Variants in GRIN2B observed in about 807,000 individuals in gnomAD.
GRIN2B encodes glutamate receptor ionotropic, NMDA 2B.
Under a neutral mutation model 114.5 loss-of-function variants are expected in GRIN2B, and 5 were observed. The observed-to-expected ratio is 0.04, with a 90% CI of 0.02 to 0.09. The LOEUF is 0.09. GRIN2B is among the 10% of genes least tolerant of loss of function. The pLI is 1.00. For missense variants in GRIN2B, 1,108 were observed against 1,943.5 expected, an observed-to-expected ratio of 0.57 and a Z score of 8.08; for synonymous variants, 787 against 745.1, an observed-to-expected ratio of 1.06 and a Z score of -0.92.
rs1948619123 is a variant in GRIN2B, at chr12:13,564,956, G to A, written c.2599-317C>T. Among the ~76,000 whole-genome samples the A allele has an allele frequency of 6.6e-6, 1 of 152,150 alleles. No individual in the cohort carries two copies. ...CTCAGCTTCACTGTTGACTTACCGT[G>A]GTTTTCTATGCCTAGATTTTCACAT... On this transcript the variant is annotated intron_variant, in intron 13 of 13. Coordinates refer to ENST00000609686, the MANE Select transcript of GRIN2B (RefSeq NM_000834.5). The surrounding 1 kb of genome is among the most constrained non-coding windows in gnomAD (Gnocchi z 4.8).
intron 2 of GRIN2B, among the ~76,000 whole-genome samples, chr12:13,930,349 T>C (rs1173952393): frequency 2.6e-5 from 4 of 152,172 alleles, no homozygotes; most frequent in African/African-American, 9.7e-5. Flanking sequence ...AAGTTTCCTA[T>C]GAGATCTTTG....
chr12:13,918,260 G>T (rs1187732011), intron 2 of GRIN2B, among the ~76,000 whole-genome samples: 8 of 152,204 alleles, frequency 5.3e-5, no homozygotes, highest in Admixed American at 5.2e-4. Context: ...GTGAAAGTTA[G>T]CCAGACTTGT....
intron 2 of GRIN2B, among the ~76,000 whole-genome samples, chr12:13,876,075 G>C (rs920937141): frequency 6.6e-6 from 1 of 152,226 alleles, no homozygotes; most frequent in African/African-American, 2.4e-5. Flanking sequence ...GGAAATAGTA[G>C]TGAAAACGGC....
intron 3 of GRIN2B, among the ~76,000 whole-genome samples, chr12:13,850,288 A>C (rs1416543341): frequency 6.6e-6 from 1 of 152,130 alleles, no homozygotes; most frequent in East Asian, 1.9e-4. Flanking sequence ...ACTGATGTGC[A>C]CTCAATTTTA....
intron 4 of GRIN2B, among the ~76,000 whole-genome samples, chr12:13,691,727 A>G (rs1398926186): frequency 6.6e-6 from 1 of 152,182 alleles, no homozygotes; most frequent in Non-Finnish European, 1.5e-5. Context: ...AGCACACACT[A>G]GAGAGAAATG....
At chr12:13,813,780 A>G in intron 3 of GRIN2B, among the ~76,000 whole-genome samples, 1 of 152,238 alleles carries the variant, frequency 6.6e-6, no homozygotes, top group East Asian at 1.9e-4. Context: ...TTTTGAATTG[A>G]GTCCATACAT....
At chr12:13,790,172 C>T (rs779128677) in intron 3 of GRIN2B, among the ~76,000 whole-genome samples, 7 of 152,192 alleles carry the variant, frequency 4.6e-5, no homozygotes, top group East Asian at 1.9e-4. Context: ...CCATCACAGA[C>T]GCAGCCCCTC....
At chr12:13,729,335 A>C (rs941045992) in intron 4 of GRIN2B, among the ~76,000 whole-genome samples, 9 of 152,148 alleles carry the variant, frequency 5.9e-5, no homozygotes, top group African/African-American at 2.2e-4. Context: ...TGTTTGGGTC[A>C]TCTTTAGTCA....
chr12:13,910,843 C>A (rs1866616743), intron 2 of GRIN2B, among the ~76,000 whole-genome samples: 1 of 152,104 alleles, frequency 6.6e-6, no homozygotes, highest in Non-Finnish European at 1.5e-5. Flanking sequence ...CTCAGGAACC[C>A]ATTTATACCA....
intron 10 of GRIN2B, among the ~76,000 whole-genome samples, chr12:13,602,334 T>C (rs1949171850): frequency 6.6e-6 from 1 of 152,158 alleles, no homozygotes; most frequent in Non-Finnish European, 1.5e-5. Flanking sequence ...CATTACTAGC[T>C]CCCTGGCTAG....
At chr12:13,851,243 G>T (rs1120905) in intron 3 of GRIN2B, among the ~76,000 whole-genome samples, 98,253 of 152,052 alleles carry the variant, frequency 0.65, 32,018 homozygotes, top group African/African-American at 0.7. Flanking sequence ...GTGGATTTCA[G>T]CGTCTCTAAT....
At chr12:13,735,519 T>C (rs1288111593) in intron 4 of GRIN2B, among the ~76,000 whole-genome samples, 1 of 152,210 alleles carries the variant, frequency 6.6e-6, no homozygotes, top group Non-Finnish European at 1.5e-5. Context: ...ATTAAATTCA[T>C]AAAAGCAGGG....
chr12:13,955,347 AATG>A (rs1302389056), intron 2 of GRIN2B, among the ~76,000 whole-genome samples: 3 of 152,174 alleles, frequency 2.0e-5, no homozygotes, highest in Non-Finnish European at 4.4e-5. Context: ...AAGCTGGCAA[AATG>A]CAAATCCAAA....
rs1427827056 is a variant in GRIN2B at position 13,692,760 on chromosome 12, C to CTTTCTTTTTTT, written c.1011-16902_1011-16901insAAAAAAAGAAA. Among the ~76,000 whole-genome samples, 26 of 52,122 alleles carry CTTTCTTTTTTT rather than the reference C, an allele frequency of 5.0e-4. 2 individuals carry two copies. Among genetic ancestry groups the CTTTCTTTTTTT allele is most frequent in the African/African-American group, 1.3e-3 (14 of 10,552 alleles). 34.2% of individuals were successfully genotyped at this position (52,122 alleles called of 152,430 possible). On this transcript the variant is annotated intron_variant, in intron 4 of 13. Transcript: ENST00000609686. The stretch of plus-strand genomic sequence containing the variant: ...ACTTATTTTCATTAATCTTTCTTTT[C>CTTTCTTTTTTT]TTTTTTTTTTTTTTTTTTTTTTTTT...
intron 2 of GRIN2B, among the ~76,000 whole-genome samples, chr12:13,902,731 A>G (rs1866473007): frequency 6.6e-6 from 1 of 152,142 alleles, no homozygotes; most frequent in South Asian, 2.1e-4. Flanking sequence ...GAATCACTTG[A>G]ACCCGGGAGG....
At chr12:13,960,733 G>T (rs1810435314) in intron 2 of GRIN2B, among the ~76,000 whole-genome samples, 1 of 152,212 alleles carries the variant, frequency 6.6e-6, no homozygotes, top group African/African-American at 2.4e-5. Context: ...CCTGATGTCA[G>T]GGAAGACAGG....
At chr12:13,672,133 G>C (rs1289503186) in intron 5 of GRIN2B, among the ~76,000 whole-genome samples, 1 of 152,082 alleles carries the variant, frequency 6.6e-6, no homozygotes, top group Non-Finnish European at 1.5e-5. Context: ...TTTCCAATCT[G>C]CTATTTATTT....
chr12:13,745,329 C>T (rs888011441), intron 4 of GRIN2B, among the ~76,000 whole-genome samples: 1 of 152,162 alleles, frequency 6.6e-6, no homozygotes. Context: ...AGAAACGACT[C>T]CCACTCAATT....
intron 2 of GRIN2B, among the ~76,000 whole-genome samples, chr12:13,936,803 A>G (rs957077800): frequency 3.9e-5 from 6 of 152,104 alleles, no homozygotes; most frequent in Non-Finnish European, 5.9e-5. Context: ...TATGGCCCTA[A>G]TGAGTGAACA....
Sources: allele counts gnomAD v4.1 joint callset (sites outside exome capture counted in the v4.1 genomes callset), GRCh38; gene constraint gnomAD v4.1.1; non-coding constraint Gnocchi (gnomAD v3.1); transcripts MANE v1.5; gene names NCBI Gene and HGNC (gene_info 2026-07-23, HGNC 2026-07-21).